Variants in ZRANB3 observed in about 807,000 individuals in gnomAD.
ZRANB3 encodes DNA annealing helicase and endonuclease ZRANB3.
ZRANB3 carries 125 observed loss-of-function variants against 133.8 expected under a neutral mutation model. That is an observed-to-expected ratio of 0.93 (90% CI 0.81 to 1.08). The LOEUF (loss-of-function observed/expected upper bound fraction) is 1.08, where lower values mean the gene tolerates loss of function less well. Among genes scored for constraint, ZRANB3 ranks in the 50% least tolerant of loss-of-function variants. The pLI is 0.00. For synonymous variants in ZRANB3, 387 were observed against 432.7 expected, an observed-to-expected ratio of 0.89 and a Z score of 1.31; for missense variants, 1,229 against 1,275.5, an observed-to-expected ratio of 0.96 and a Z score of 0.56.
chr2:135,245,168 C>T (rs1695735049), intron 12 of ZRANB3, among the ~76,000 whole-genome samples: 1 of 152,132 alleles, frequency 6.6e-6, no homozygotes, highest in Non-Finnish European at 1.5e-5. Flanking sequence ...AGGAAGTAAA[C>T]CTTACAAGTT....
intron 2 of ZRANB3, among the ~76,000 whole-genome samples, chr2:135,419,901 C>A (rs1364225359): frequency 2.6e-5 from 4 of 151,376 alleles, no homozygotes; most frequent in Non-Finnish European, 4.4e-5. Context: ...CCCTTAACAG[C>A]CTTCCCTGGC....
chr2:135,485,175 A>AACATAACAT (rs1559030652), intron 2 of ZRANB3, among the ~76,000 whole-genome samples: 122 of 127,118 alleles, frequency 9.6e-4, no homozygotes, highest in South Asian at 7.3e-3. Context: ...AAACAAAACA[A>AACATAACAT]AACAAAACAA....
At chr2:135,479,330 C>T (rs940974657) in intron 2 of ZRANB3, among the ~76,000 whole-genome samples, 2 of 152,080 alleles carry the variant, frequency 1.3e-5, no homozygotes, top group Admixed American at 6.6e-5. Flanking sequence ...GTTAAGTTCA[C>T]CTATTTAAAA....
intron 12 of ZRANB3, among the ~76,000 whole-genome samples, chr2:135,260,821 C>G (rs1329555622): frequency 1.4e-5 from 2 of 142,056 alleles, no homozygotes; most frequent in East Asian, 2.0e-4. Flanking sequence ...TATATATATA[C>G]TATATATTCT....
intron 11 of ZRANB3, among the ~76,000 whole-genome samples, chr2:135,268,009 A>C (rs1253257503): frequency 1.3e-5 from 2 of 152,110 alleles, no homozygotes; most frequent in African/African-American, 2.4e-5. Flanking sequence ...GAGGGCCCTC[A>C]CCAGAACTCA....
rs566253851 is a variant in ZRANB3, at chr2:135,442,356, A to G, written c.162-51536T>C. Among the ~76,000 whole-genome samples, 36 of 152,342 alleles carry G rather than the reference A, an allele frequency of 2.4e-4. No homozygotes were observed. In the South Asian group the frequency reaches 5.2e-3, roughly 22 times the overall value. On this transcript the variant is annotated intron_variant, in intron 2 of 20. Transcript: ENST00000264159. ...ACTTAAACAAATTTACAGGAAAAAA[A>G]CAAATAACCCCATCCAAAAGTGTAC...
At chr2:135,465,800 A>C (rs989304220) in intron 2 of ZRANB3, among the ~76,000 whole-genome samples, 7 of 152,222 alleles carry the variant, frequency 4.6e-5, no homozygotes, top group African/African-American at 1.4e-4. Flanking sequence ...AGAATCTACG[A>C]AGAACTTAAA....
chr2:135,418,129 C>A, intron 2 of ZRANB3, among the ~76,000 whole-genome samples: 1 of 151,840 alleles, frequency 6.6e-6, no homozygotes. Context: ...AAACAAACAA[C>A]AAAAAATATA....
intron 2 of ZRANB3, among the ~76,000 whole-genome samples, chr2:135,443,309 G>A (rs1445553189): frequency 1.3e-5 from 2 of 149,864 alleles, no homozygotes; most frequent in Non-Finnish European, 3.0e-5. Context: ...TCACTCATAA[G>A]TGGCAGTTGA....
intron 1 of ZRANB3, among the ~76,000 whole-genome samples, chr2:135,524,374 G>A (rs1424124667): frequency 6.6e-6 from 1 of 152,076 alleles, no homozygotes; most frequent in Non-Finnish European, 1.5e-5. Flanking sequence ...AAGCCACCGC[G>A]ACCATCCTGT....
intron 2 of ZRANB3, among the ~76,000 whole-genome samples, chr2:135,479,296 G>A (rs1691651435): frequency 6.6e-6 from 1 of 152,082 alleles, no homozygotes; most frequent in Non-Finnish European, 1.5e-5. Flanking sequence ...TGATAAAGTA[G>A]GTTTATCTAC....
intron 8 of ZRANB3, among the ~76,000 whole-genome samples, chr2:135,281,233 C>T (rs1299776105): frequency 6.6e-6 from 1 of 152,200 alleles, no homozygotes; most frequent in Non-Finnish European, 1.5e-5. Context: ...TCTTTAACAG[C>T]TATAACTTGC....
At chr2:135,407,120 A>C (rs1454721454) in intron 2 of ZRANB3, among the ~76,000 whole-genome samples, 1 of 152,242 alleles carries the variant, frequency 6.6e-6, no homozygotes, top group African/African-American at 2.4e-5. Context: ...CAACTTCAGC[A>C]AAGTCTCAGA....
At chr2:135,245,050 CA>C (rs1216995411) in intron 12 of ZRANB3, among the ~76,000 whole-genome samples, 1 of 152,068 alleles carries the variant, frequency 6.6e-6, no homozygotes, top group East Asian at 1.9e-4. Context: ...TATTGTGAAC[CA>C]AAAGGTACTC....
intron 8 of ZRANB3, among the ~76,000 whole-genome samples, chr2:135,287,333 A>G (rs1357626733): frequency 1.3e-5 from 2 of 152,194 alleles, no homozygotes; most frequent in African/African-American, 4.8e-5. Flanking sequence ...CTTACAGTAC[A>G]GTTCAAAGTC....
At chr2:135,351,495 C>T (rs994241410) in intron 4 of ZRANB3, among the ~76,000 whole-genome samples, 2 of 152,100 alleles carry the variant, frequency 1.3e-5, no homozygotes, top group Admixed American at 6.5e-5. Flanking sequence ...CCCGCCCTGG[C>T]CTCCCAAAGT....
In ZRANB3 at chr2:135,315,150, T is replaced by C. The variant is rs141774153; in HGVS notation, c.849+209A>G. 4.0e-3 allele frequency among the ~76,000 whole-genome samples: 605 copies of C among 152,236 alleles called. 5 individuals are homozygous for C. Among genetic ancestry groups the C allele is most frequent in the African/African-American group, 0.014 (577 of 41,536 alleles). Reference sequence around the variant, plus strand: ...AATACTTTTTTTTTAAACCACTAGGTTACCATATCTTTTTATGCATCTGAT... The same window carrying C: ...AATACTTTTTTTTTAAACCACTAGGCTACCATATCTTTTTATGCATCTGAT... On this transcript the variant is annotated intron_variant, in intron 7 of 20. Transcript: ENST00000264159.
At chr2:135,489,314 G>C (rs374995202) in intron 2 of ZRANB3, among the ~76,000 whole-genome samples, 1 of 110,008 alleles carries the variant, frequency 9.1e-6, no homozygotes, top group Non-Finnish European at 1.8e-5. Flanking sequence ...GTTGTGGGGT[G>C]GGGGGAGGGG....
At chr2:135,281,332 G>A (rs1480578520) in intron 8 of ZRANB3, among the ~76,000 whole-genome samples, 2 of 152,078 alleles carry the variant, frequency 1.3e-5, no homozygotes, top group South Asian at 2.1e-4. Flanking sequence ...TTCAGGTATC[G>A]CATGACCTTT....
Sources: gnomAD v4.1 joint callset for allele counts (sites outside exome capture counted in the v4.1 genomes callset) on GRCh38, gnomAD v4.1.1 for gene constraint, MANE v1.5 for transcripts, NCBI Gene and HGNC (gene_info 2026-07-23, HGNC 2026-07-21) for gene names.